The following PCDHGB1 variants were observed in gnomAD, a reference collection of about 807,000 sequenced individuals.
PCDHGB1 encodes protocadherin gamma-B1.
Under a neutral mutation model 56.6 loss-of-function variants are expected in PCDHGB1, and 34 were observed. That is an observed-to-expected ratio of 0.60 (90% CI 0.46 to 0.80). The LOEUF is 0.80. Ranked by LOEUF, PCDHGB1 falls within the 30% of genes least tolerant of loss-of-function variation. PCDHGB1 has a pLI of 0.00. For synonymous variants in PCDHGB1, 561 were observed against 505.9 expected (o/e 1.11, Z -1.46); for missense variants, 1,278 against 1,204.6 (o/e 1.06, Z -0.90).
At chr5:141,440,551 T>C (rs1220901075) in intron 1 of PCDHGB1, 2 of 152,350 alleles carry the variant, frequency 1.3e-5, no homozygotes, top group East Asian at 1.9e-4. Context: ...GCAGGAATGT[T>C]ATTAAGTTAC....
chr5:141,355,152 C>A, intron 1 of PCDHGB1: 2 of 1,548,790 alleles, frequency 1.3e-6, no homozygotes, highest in Non-Finnish European at 1.7e-6. Flanking sequence ...CTCCTCAGGC[C>A]TCGACAGAGG....
intron 1 of PCDHGB1, among the ~76,000 whole-genome samples, chr5:141,444,466 C>A (rs539222916): frequency 1.3e-5 from 2 of 151,982 alleles, no homozygotes; most frequent in African/African-American, 4.8e-5. Flanking sequence ...TCACTGCGCC[C>A]GGTCGCGTAC....
intron 1 of PCDHGB1, chr5:141,421,731 C>G (rs73792198): frequency 6.2e-7 from 1 of 1,613,742 alleles, no homozygotes; most frequent in Non-Finnish European, 8.5e-7. Flanking sequence ...TGAACTCCCT[C>G]CAGAGCTACC....
Position 141,351,595 on chromosome 5 carries a change from A to G in PCDHGB1, c.1335A>G (p.Ala445=), listed in dbSNP as rs1758765710. ...ACATCTCCGACATCAACGACAATGC[A>G]CCTGTTTTCCATCAGGCCTCCTATG... ...TLHISDINDN[A]PVFHQASYVV... is the part of the protein sequence containing the mutation. Residue 445 remains alanine, a synonymous_variant, in exon 1 of 4, where the codon GCA becomes GCG. Transcript: ENST00000523390. 1 of 1,613,974 alleles carries G rather than the reference A, an allele frequency of 6.2e-7. No individual in the cohort carries two copies.
At chr5:141,371,049 G>T in intron 1 of PCDHGB1, 1 of 1,613,942 alleles carries the variant, frequency 6.2e-7, no homozygotes, top group Non-Finnish European at 8.5e-7. Flanking sequence ...GGATGGGGGC[G>T]AGCCCTCCAG....
intron 1 of PCDHGB1, chr5:141,379,506 A>T (rs774188975): frequency 9.2e-5 from 14 of 152,280 alleles, no homozygotes; most frequent in Non-Finnish European, 1.8e-4. Context: ...TGGGATGTTA[A>T]ACTACATCTT....
Position 141,493,435 on chromosome 5 carries a change from G to T in PCDHGB1, c.2410-1372G>T, listed in dbSNP as rs150678406. On this transcript the variant is annotated intron_variant, in intron 1 of 3. Coordinates refer to ENST00000523390, the MANE Select transcript of PCDHGB1 (RefSeq NM_018922.3). The surrounding 1 kb of genome is among the most constrained non-coding windows in gnomAD (Gnocchi z 4.3). ...TGGGATTTTGCTTCTGCTGGGATGG[G>T]GCAAGGGTGGGGTTCCTTCCCTTTT... Among the ~76,000 whole-genome samples the T allele has an allele frequency of 6.6e-5, 10 of 152,294 alleles. No individual in the cohort carries two copies. In the East Asian group the frequency reaches 1.7e-3, roughly 26 times the overall value.
rs1055747392 is a variant in PCDHGB1 at position 141,490,298 on chromosome 5, C to G, written c.2410-4509C>G. 6.2e-7 allele frequency: 1 copy of G among 1,614,178 alleles called. No individual in the cohort carries two copies. The highest frequency in any genetic ancestry group is 1.3e-5 in the African/African-American group (1 of 75,036). On this transcript the variant is annotated intron_variant, in intron 1 of 3. Transcript: ENST00000523390. The surrounding 1 kb of genome is among the most constrained non-coding windows in gnomAD (Gnocchi z 5.4). ...GACAATGCCCCAGAGGTGCTATTGG[C>G]CTCTTTGGCCAACCCTGTCCTAGAG...
intron 1 of PCDHGB1, among the ~76,000 whole-genome samples, chr5:141,401,895 TC>T (rs2094205697): frequency 6.6e-6 from 1 of 152,224 alleles, no homozygotes; most frequent in Non-Finnish European, 1.5e-5. Context: ...GTGTTCTTTT[TC>T]CCAAATTATT....
intron 1 of PCDHGB1, chr5:141,420,927 G>A (rs1257204379): frequency 2.8e-6 from 1 of 362,530 alleles, no homozygotes; most frequent in Non-Finnish European, 5.0e-6. Context: ...ACAAAGGTGA[G>A]CGTAATCATT....
chr5:141,379,834 GA>G (rs199662644), intron 1 of PCDHGB1, among the ~76,000 whole-genome samples: 1 of 141,412 alleles, frequency 7.1e-6, no homozygotes, highest in Non-Finnish European at 1.5e-5. Context: ...GAAGCATCAG[GA>G]AAAAAAACTA....
intron 1 of PCDHGB1, chr5:141,405,481 G>A: frequency 2.0e-6 from 2 of 992,130 alleles, no homozygotes; most frequent in Middle Eastern, 2.6e-4. Context: ...ATGCAGTGGT[G>A]TGATCTCGGC....
chr5:141,439,012 A>G (rs968054607), intron 1 of PCDHGB1, among the ~76,000 whole-genome samples: 4 of 151,916 alleles, frequency 2.6e-5, no homozygotes, highest in South Asian at 2.1e-4. Context: ...TTTGTTTGTC[A>G]AATTTTGAAA....
At chr5:141,483,186 A>G (rs2099578047) in intron 1 of PCDHGB1, among the ~76,000 whole-genome samples, 1 of 152,174 alleles carries the variant, frequency 6.6e-6, no homozygotes, top group Non-Finnish European at 1.5e-5. Flanking sequence ...CAAGCCAAGG[A>G]GTTTTTATTT....
At chr5:141,474,881 C>A (rs2099356099) in intron 1 of PCDHGB1, among the ~76,000 whole-genome samples, 1 of 152,244 alleles carries the variant, frequency 6.6e-6, no homozygotes, top group South Asian at 2.1e-4. Context: ...AGCAGGAACT[C>A]TTAGAGGTTC....
At chr5:141,370,756 T>G in intron 1 of PCDHGB1, 1 of 1,613,974 alleles carries the variant, frequency 6.2e-7, no homozygotes, top group Non-Finnish European at 8.5e-7. Flanking sequence ...CATGTAACTG[T>G]GCTGATCCAG....
At chr5:141,383,731 A>C (rs373290954) in intron 1 of PCDHGB1, 4 of 1,613,882 alleles carry the variant, frequency 2.5e-6, no homozygotes, top group Non-Finnish European at 3.4e-6. Context: ...TGGGGAAGTG[A>C]CATATTCTTT....
At chr5:141,419,094 G>C in intron 1 of PCDHGB1, 2 of 1,613,894 alleles carry the variant, frequency 1.2e-6, no homozygotes, top group Non-Finnish European at 1.7e-6. Context: ...GCCCTGGATC[G>C]GGAGCAGACC....
At chr5:141,418,811 A>C in intron 1 of PCDHGB1, 1 of 1,613,916 alleles carries the variant, frequency 6.2e-7, no homozygotes. Context: ...ATATACGATA[A>C]ACATAGAAGC....
Sources: gnomAD v4.1 joint callset for allele counts (sites outside exome capture counted in the v4.1 genomes callset) on GRCh38, gnomAD v4.1.1 for gene constraint, Gnocchi (gnomAD v3.1) non-coding constraint, MANE v1.5 for transcripts, NCBI Gene and HGNC (gene_info 2026-07-23, HGNC 2026-07-21) for gene names.